The following ERBB4 variants were observed in gnomAD, a reference collection of about 807,000 sequenced individuals.
The protein encoded by ERBB4 is receptor tyrosine-protein kinase erbB-4.
ERBB4 carries 42 observed loss-of-function variants against 158.0 expected under a neutral mutation model. That is an observed-to-expected ratio of 0.27 (90% CI 0.21 to 0.34). The LOEUF is 0.34. ERBB4 is among the 10% of genes least tolerant of loss of function. ERBB4 has a pLI of 1.00. For synonymous variants in ERBB4, 583 were observed against 558.7 expected (o/e 1.04, Z -0.61); for missense variants, 1,333 against 1,624.1 (o/e 0.82, Z 3.08).
chr2:211,434,140 T>C (rs1471028386), intron 20 of ERBB4, among the ~76,000 whole-genome samples: 1 of 152,218 alleles, frequency 6.6e-6, no homozygotes, highest in Non-Finnish European at 1.5e-5. Flanking sequence ...CCAAATATCA[T>C]TCTAATAAAA....
chr2:212,377,952 A>AT (rs1294121324), intron 1 of ERBB4, among the ~76,000 whole-genome samples: 3 of 151,468 alleles, frequency 2.0e-5, no homozygotes, highest in Non-Finnish European at 4.4e-5. Context: ...GCTTTTTCCT[A>AT]TTTTTATCTT....
chr2:211,663,338 T>C (rs2105913829), intron 15 of ERBB4, among the ~76,000 whole-genome samples: 1 of 152,288 alleles, frequency 6.6e-6, no homozygotes, highest in African/African-American at 2.4e-5. Context: ...CAGGATTAAG[T>C]CAGTCATTAG....
chr2:211,560,742 A>G (rs1222938005), intron 20 of ERBB4, among the ~76,000 whole-genome samples: 1 of 151,386 alleles, frequency 6.6e-6, no homozygotes, highest in Non-Finnish European at 1.5e-5. Context: ...GTTATTACAT[A>G]ACAGTTACAA....
chr2:212,142,027 G>A (rs1389244975), intron 1 of ERBB4, among the ~76,000 whole-genome samples: 2 of 152,048 alleles, frequency 1.3e-5, no homozygotes, highest in Non-Finnish European at 2.9e-5. Context: ...CATCTCCTAG[G>A]ATGTTTCACT....
At chr2:211,606,577 T>C (rs771522054) in intron 19 of ERBB4, among the ~76,000 whole-genome samples, 2 of 152,116 alleles carry the variant, frequency 1.3e-5, no homozygotes, top group Non-Finnish European at 2.9e-5. Context: ...AAAAATGTTG[T>C]TATGGTCACT....
At chr2:211,830,865 A>C (rs2077203500) in intron 3 of ERBB4, among the ~76,000 whole-genome samples, 1 of 152,170 alleles carries the variant, frequency 6.6e-6, no homozygotes, top group Admixed American at 6.6e-5. Flanking sequence ...ATAAGACAGC[A>C]CATTTAACAA....
In ERBB4 at chr2:212,135,464, CAACT is replaced by C. The variant is rs917105469; in HGVS notation, c.83-10565_83-10562del. On this transcript the variant is annotated intron_variant, in intron 1 of 27. Coordinates refer to ENST00000342788, the MANE Select transcript of ERBB4 (RefSeq NM_005235.3). Reference sequence around the variant, plus strand: ...ATTTTTAATGTATCATATCAAATAACAACTAACTTATAACTGCATATATATATAT... The same window carrying C: ...ATTTTTAATGTATCATATCAAATAACAACTTATAACTGCATATATATATAT... 8.2e-4 allele frequency among the ~76,000 whole-genome samples: 125 copies of C among 152,196 alleles called. 2 individuals are homozygous for C. Among genetic ancestry groups the C allele is most frequent in the African/African-American group, 2.6e-3 (106 of 41,538 alleles).
chr2:211,444,968 A>G (rs1158487544), intron 20 of ERBB4, among the ~76,000 whole-genome samples: 1 of 152,138 alleles, frequency 6.6e-6, no homozygotes, highest in Non-Finnish European at 1.5e-5. Flanking sequence ...AAATTTTTGG[A>G]TAAAATACAG....
chr2:211,657,222 A>G (rs2071248155), intron 16 of ERBB4, among the ~76,000 whole-genome samples: 1 of 152,092 alleles, frequency 6.6e-6, no homozygotes, highest in Non-Finnish European at 1.5e-5. Flanking sequence ...CAAATTAAAA[A>G]TCGAGGCCGG....
At chr2:211,831,559 TG>T (rs2077220114) in intron 3 of ERBB4, among the ~76,000 whole-genome samples, 1 of 152,208 alleles carries the variant, frequency 6.6e-6, no homozygotes, top group Non-Finnish European at 1.5e-5. Context: ...ATCATTGGAA[TG>T]TTATGTTTCC....
chr2:212,090,596 C>T (rs2078744891), intron 2 of ERBB4, among the ~76,000 whole-genome samples: 2 of 152,228 alleles, frequency 1.3e-5, no homozygotes, highest in East Asian at 3.9e-4. Context: ...CTCATTTAGA[C>T]ATGCTTGCTC....
At chr2:212,451,124 G>A (rs1390259459) in intron 1 of ERBB4, among the ~76,000 whole-genome samples, 1 of 152,164 alleles carries the variant, frequency 6.6e-6, no homozygotes, top group Admixed American at 6.5e-5. Context: ...CGAGAAGGAG[G>A]CAGACTTTTT....
intron 1 of ERBB4, among the ~76,000 whole-genome samples, chr2:212,208,788 A>G (rs560790425): frequency 6.6e-6 from 1 of 152,168 alleles, no homozygotes; most frequent in Non-Finnish European, 1.5e-5. Flanking sequence ...TAGACACCAG[A>G]TCATCCAAGG....
chr2:211,544,870 C>T (rs2066902268), intron 20 of ERBB4, among the ~76,000 whole-genome samples: 1 of 152,062 alleles, frequency 6.6e-6, no homozygotes, highest in Non-Finnish European at 1.5e-5. Flanking sequence ...ATTACTTTCC[C>T]TTATGGTTTA....
chr2:212,472,774 T>G (rs1460943112), intron 1 of ERBB4, among the ~76,000 whole-genome samples: 1 of 151,934 alleles, frequency 6.6e-6, no homozygotes, highest in Non-Finnish European at 1.5e-5. Flanking sequence ...CTAAATAGTC[T>G]CAATTTTAGT....
At chr2:212,156,916 T>C (rs919964772) in intron 1 of ERBB4, among the ~76,000 whole-genome samples, 22 of 152,250 alleles carry the variant, frequency 1.4e-4, no homozygotes, top group African/African-American at 4.8e-4. Context: ...CAGACCATCA[T>C]TATTTTAGCT....
At chr2:212,047,685 T>C (rs2077292102) in intron 2 of ERBB4, among the ~76,000 whole-genome samples, 2 of 151,062 alleles carry the variant, frequency 1.3e-5, no homozygotes, top group Admixed American at 1.3e-4. Flanking sequence ...GGTTTCACCA[T>C]GTTGCCCAGG....
At chr2:212,177,939 TGTGA>T (rs982352101) in intron 1 of ERBB4, among the ~76,000 whole-genome samples, 3 of 127,684 alleles carry the variant, frequency 2.3e-5, no homozygotes, top group African/African-American at 9.2e-5. Flanking sequence ...AAAGAGTGTT[TGTGA>T]GTGTTTGTGA....
At chr2:211,607,818 A>C (rs538371911) in intron 19 of ERBB4, among the ~76,000 whole-genome samples, 1 of 151,988 alleles carries the variant, frequency 6.6e-6, no homozygotes, top group South Asian at 2.1e-4. Context: ...AAAAGCGTTA[A>C]TGATTAAAAC....
Sources: allele counts gnomAD v4.1 joint callset (sites outside exome capture counted in the v4.1 genomes callset), GRCh38; gene constraint gnomAD v4.1.1; transcripts MANE v1.5; gene names NCBI Gene and HGNC (gene_info 2026-07-23, HGNC 2026-07-21).